The following TDRD1 variants were observed in gnomAD, a reference collection of about 807,000 sequenced individuals.
The protein encoded by TDRD1 is tudor domain-containing protein 1.
A neutral mutation model predicts 140.6 loss-of-function variants in TDRD1; 37 were observed. The ratio of observed to expected loss-of-function variants is 0.26; its 90% CI spans 0.20 to 0.35. The LOEUF (loss-of-function observed/expected upper bound fraction) is 0.35, where lower values mean the gene tolerates loss of function less well. TDRD1 is among the 10% of genes least tolerant of loss of function. TDRD1 has a pLI of 1.00. For missense variants in TDRD1, 1,243 were observed against 1,393.0 expected (o/e 0.89, Z 1.71); for synonymous variants, 506 against 475.7 (o/e 1.06, Z -0.83).
intron 13 of TDRD1, among the ~76,000 whole-genome samples, chr10:114,211,662 G>C (rs1816209484): frequency 2.0e-5 from 3 of 152,202 alleles, no homozygotes; most frequent in Non-Finnish European, 2.9e-5. Flanking sequence ...TACAGCGTAA[G>C]ACATAATTAC....
Position 114,222,709 on chromosome 10 carries a change from G to T in TDRD1, c.3007+6G>T, listed in dbSNP as rs201631954. The T allele has an allele frequency of 9.3e-5, 138 of 1,489,098 alleles. No homozygotes were observed. The African/African-American group carries it at 9.6e-4, about 10-fold the overall frequency. The allele number at this position is 1,489,098 out of a possible 1,614,324, so 92.2% of individuals were successfully genotyped here. A position where few individuals can be genotyped will look rare whatever the true frequency, so the allele number is the denominator to read the frequency against. On this transcript the variant is annotated splice_donor_region_variant and intron_variant, in intron 21 of 25. Coordinates refer to ENST00000251864, the Ensembl canonical transcript of TDRD1. ...ATGCTGTGCCAAATACACAAGTAAG[G>T]TTCTTTTAGGGAAAATATTTGAGGG...
intron 4 of TDRD1, among the ~76,000 whole-genome samples, chr10:114,200,227 T>C (rs564673048): frequency 4.9e-4 from 74 of 152,370 alleles, no homozygotes; most frequent in African/African-American, 1.8e-3. Flanking sequence ...CAGTTTACAG[T>C]TAAATTTGCA....
At chr10:114,200,614 C>T (rs990674544) in intron 4 of TDRD1, among the ~76,000 whole-genome samples, 1 of 152,140 alleles carries the variant, frequency 6.6e-6, no homozygotes, top group Non-Finnish European at 1.5e-5. Flanking sequence ...CACTCTGCCT[C>T]CTGGGTTCAG....
chr10:114,203,008 G>A, intron 6 of TDRD1, 64 bp from the exon 7 acceptor site: 4 of 1,036,230 alleles, frequency 3.9e-6, no homozygotes, highest in Non-Finnish European at 4.6e-6. Context: ...GACGTGTAGT[G>A]GCCATAGAAT....
chr10:114,195,175 T>G (rs527335081), intron 3 of TDRD1, among the ~76,000 whole-genome samples: 1 of 152,362 alleles, frequency 6.6e-6, no homozygotes, highest in East Asian at 1.9e-4. Flanking sequence ...GCCACTGATT[T>G]CTAGTTTGAG....
chr10:114,213,499 G>C (rs1471596016), exon 15 of TDRD1: 1 of 1,614,006 alleles, frequency 6.2e-7, no homozygotes, highest in African/African-American at 1.3e-5. Flanking sequence ...CCTCATGTCA[G>C]TGTTAGCAAA....
chr10:114,179,773 G>A (rs556783847), intron 1 of TDRD1: 4 of 152,312 alleles, frequency 2.6e-5, no homozygotes, highest in Admixed American at 2.6e-4. Flanking sequence ...TCCTCCTATA[G>A]GAAAGGAAGA....
exon 1 of TDRD1, chr10:114,179,280 G>C (rs1229204867): frequency 6.6e-6 from 1 of 152,548 alleles, no homozygotes; most frequent in East Asian, 1.9e-4. Flanking sequence ...GCTGAGGCCA[G>C]GAGGGCGCAC....
chr10:114,184,107 A>C (rs542973668), intron 1 of TDRD1, among the ~76,000 whole-genome samples: 1 of 152,220 alleles, frequency 6.6e-6, no homozygotes, highest in South Asian at 2.1e-4. Flanking sequence ...CCCTTCAGTA[A>C]TGAGTGGCTT....
intron 4 of TDRD1, among the ~76,000 whole-genome samples, 166 bp downstream of exon 4, chr10:114,199,483 A>T (rs2034585563): frequency 6.6e-6 from 1 of 152,152 alleles, no homozygotes; most frequent in Non-Finnish European, 1.5e-5. Context: ...CTCTTCACCC[A>T]TCCCTTCCCA....
intron 18 of TDRD1, among the ~76,000 whole-genome samples, chr10:114,219,002 A>G (rs1589707000): frequency 6.6e-6 from 1 of 152,266 alleles, no homozygotes; most frequent in African/African-American, 2.4e-5. Context: ...TAAATGATCC[A>G]TAAAATGGAT....
intron 2 of TDRD1, among the ~76,000 whole-genome samples, chr10:114,188,797 C>A (rs771131568): frequency 6.8e-6 from 1 of 146,288 alleles, no homozygotes; most frequent in African/African-American, 2.5e-5. Flanking sequence ...GCAGAGGTTG[C>A]GGTGAGCTGA....
chr10:114,217,477 T>C (rs2035883414), intron 16 of TDRD1, 68 bp from the exon 17 acceptor site: 1 of 868,170 alleles, frequency 1.2e-6, no homozygotes, highest in Non-Finnish European at 1.8e-6. Context: ...TTTCTGACTT[T>C]AAAGGAAAAT....
chr10:114,189,462 A>T (rs1053301260), intron 2 of TDRD1, among the ~76,000 whole-genome samples: 1 of 152,184 alleles, frequency 6.6e-6, no homozygotes, highest in African/African-American at 2.4e-5. Context: ...CAGCTGACAT[A>T]TTTTGTCAGT....
At chr10:114,210,641 A>C in exon 12 of TDRD1, 1 of 1,611,776 alleles carries the variant, frequency 6.2e-7, no homozygotes, top group Non-Finnish European at 8.5e-7. Flanking sequence ...GACAAAAGTG[A>C]CCTAATCCCA....
At chr10:114,209,162 G>T (rs1217203437) in intron 11 of TDRD1, among the ~76,000 whole-genome samples, 1 of 152,088 alleles carries the variant, frequency 6.6e-6, no homozygotes, top group Non-Finnish European at 1.5e-5. Flanking sequence ...TGAGGCCCCA[G>T]TATGCCATGA....
intron 7 of TDRD1, 94 bp downstream of exon 7, chr10:114,203,270 CAT>C: frequency 2.7e-6 from 4 of 1,482,624 alleles, no homozygotes; most frequent in Non-Finnish European, 3.7e-6. Flanking sequence ...AGCTACAAAA[CAT>C]AAACATTGCA....
At chr10:114,214,179 G>A in intron 16 of TDRD1, 65 bp downstream of exon 16, 1 of 1,436,388 alleles carries the variant, frequency 7.0e-7, no homozygotes, top group Non-Finnish European at 9.7e-7. Context: ...AACTTCACAT[G>A]AGTTTGTTAC....
chr10:114,227,172 A>G (rs2036484792), exon 23 of TDRD1: 1 of 1,612,470 alleles, frequency 6.2e-7, no homozygotes, highest in Non-Finnish European at 8.5e-7. Context: ...AAGGAATTAC[A>G]AAGAATGTCC....
Sources: gnomAD v4.1 joint callset for allele counts (sites outside exome capture counted in the v4.1 genomes callset) on GRCh38, gnomAD v4.1.1 for gene constraint, MANE v1.5 for transcripts, NCBI Gene and HGNC (gene_info 2026-07-23, HGNC 2026-07-21) for gene names.